Variants in RALGAPA2 observed in about 807,000 individuals in gnomAD.
The protein encoded by RALGAPA2 is ral GTPase-activating protein subunit alpha-2.
RALGAPA2 carries 139 observed loss-of-function variants against 230.4 expected under a neutral mutation model. The observed-to-expected ratio is 0.60, with a 90% CI of 0.53 to 0.69. The LOEUF is 0.69. Among genes scored for constraint, RALGAPA2 ranks in the 30% least tolerant of loss-of-function variants. RALGAPA2 has a pLI of 0.00. For synonymous variants in RALGAPA2, 847 were observed against 837.8 expected, an observed-to-expected ratio of 1.01 and a Z score of -0.19; for missense variants, 2,163 against 2,276.0, an observed-to-expected ratio of 0.95 and a Z score of 1.01.
intron 36 of RALGAPA2, among the ~76,000 whole-genome samples, chr20:20,490,223 C>T (rs1352826731): frequency 6.6e-6 from 1 of 152,162 alleles, no homozygotes; most frequent in Non-Finnish European, 1.5e-5. Context: ...AATACAAATC[C>T]CCTGTATCTA....
At position 20,616,100 on chromosome 20, in the gene RALGAPA2, G is replaced by C; in HGVS notation, c.1631C>G (p.Ala544Gly). 5 of 1,556,006 alleles carry C rather than the reference G, an allele frequency of 3.2e-6. No homozygotes were observed. The highest frequency in any genetic ancestry group is 4.3e-6 in the Non-Finnish European group (5 of 1,149,436). The change falls in exon 13 of 40, where the codon GCT becomes GGT. Residue 544 changes from alanine (A) to glycine (G), a missense_variant. Transcript: ENST00000202677. Reference protein sequence around the residue: ...LLKEQVDACKAVLIIFRRMIM... With the variant: ...LLKEQVDACKGVLIIFRRMIM... ...CATGCGCCTAAAAATAATCAAAACA[G>C]CTTTACAAGCATCAACTTGTTCTTT...
intron 38 of RALGAPA2, among the ~76,000 whole-genome samples, chr20:20,402,156 C>G (rs2059855904): frequency 6.6e-6 from 1 of 152,190 alleles, no homozygotes; most frequent in South Asian, 2.1e-4. Context: ...CATGACCAGC[C>G]ACCTGGTGAT....
At chr20:20,515,795 GAT>G (rs1237610791) in intron 31 of RALGAPA2, among the ~76,000 whole-genome samples, 1 of 146,766 alleles carries the variant, frequency 6.8e-6, no homozygotes, top group African/African-American at 2.5e-5. Flanking sequence ...TGAATTTCGT[GAT>G]ATAATCTCGA....
intron 16 of RALGAPA2, among the ~76,000 whole-genome samples, chr20:20,592,048 T>C (rs1438315142): frequency 6.6e-6 from 1 of 152,186 alleles, no homozygotes; most frequent in Non-Finnish European, 1.5e-5. Flanking sequence ...CCCAAGGCAC[T>C]GGAATTATCA....
At chr20:20,500,186 T>C (rs371462988) in intron 35 of RALGAPA2, among the ~76,000 whole-genome samples, 1 of 152,170 alleles carries the variant, frequency 6.6e-6, no homozygotes, top group Admixed American at 6.5e-5. Context: ...TGCTGAAGGC[T>C]GGGGTGGCTG....
intron 31 of RALGAPA2, among the ~76,000 whole-genome samples, chr20:20,517,953 G>A (rs1407079749): frequency 6.6e-6 from 1 of 152,114 alleles, no homozygotes; most frequent in Non-Finnish European, 1.5e-5. Context: ...TCCTAGCAAT[G>A]GATCCAAACC....
chr20:20,548,125 CCACACA>C (rs58279852), intron 23 of RALGAPA2, among the ~76,000 whole-genome samples: 3 of 148,004 alleles, frequency 2.0e-5, no homozygotes, highest in African/African-American at 4.9e-5. Flanking sequence ...AGCAAAATCT[CCACACA>C]CACACACACA....
At chr20:20,572,614 AAG>A (rs1386929634) in intron 21 of RALGAPA2, among the ~76,000 whole-genome samples, 1 of 152,172 alleles carries the variant, frequency 6.6e-6, no homozygotes, top group East Asian at 1.9e-4. Context: ...CACTTTTATA[AAG>A]AGAGTAACTA....
At chr20:20,709,870 AAAAAT>A (rs1438064959) in intron 1 of RALGAPA2, among the ~76,000 whole-genome samples, 1 of 152,214 alleles carries the variant, frequency 6.6e-6, no homozygotes, top group Non-Finnish European at 1.5e-5. Flanking sequence ...CACTATTATC[AAAAAT>A]AAGAAAGACG....
intron 27 of RALGAPA2, among the ~76,000 whole-genome samples, chr20:20,527,079 C>G (rs2063224480): frequency 6.6e-6 from 1 of 152,148 alleles, no homozygotes; most frequent in African/African-American, 2.4e-5. Flanking sequence ...GGGACAAGGG[C>G]ACCCTCTGCT....
Position 20,441,456 on chromosome 20 carries a change from G to A in RALGAPA2, c.5496-29308C>T, listed in dbSNP as rs1400867554. On this transcript the variant is annotated intron_variant, in intron 37 of 39. Transcript: ENST00000202677. ...TAGAATGTCACCTTGCCCTCCCTGG[G>A]CCTCTGCAGCAGTGACCACAATGAC... Among the ~76,000 whole-genome samples, 5 of 152,182 alleles carry A rather than the reference G, an allele frequency of 3.3e-5. No homozygotes were observed. In the South Asian group the frequency reaches 6.2e-4, roughly 19 times the overall value.
At chr20:20,705,355 G>A (rs1448176580) in intron 1 of RALGAPA2, among the ~76,000 whole-genome samples, 2 of 151,168 alleles carry the variant, frequency 1.3e-5, no homozygotes, top group Non-Finnish European at 2.9e-5. Context: ...CACAGCACAT[G>A]CAACCATACC....
intron 35 of RALGAPA2, among the ~76,000 whole-genome samples, chr20:20,495,571 C>T (rs576176725): frequency 1.8e-4 from 28 of 152,346 alleles, no homozygotes; most frequent in African/African-American, 6.0e-4. Context: ...TTTACTCCTG[C>T]GTCAGAGTCC....
At chr20:20,470,094 T>C (rs762381263) in intron 37 of RALGAPA2, among the ~76,000 whole-genome samples, 19 of 152,176 alleles carry the variant, frequency 1.2e-4, no homozygotes, top group Non-Finnish European at 2.6e-4. Flanking sequence ...CAGTCTTCTA[T>C]GTGCCTTTGC....
intron 37 of RALGAPA2, among the ~76,000 whole-genome samples, chr20:20,419,590 A>G (rs529523745): frequency 2.6e-5 from 4 of 152,368 alleles, no homozygotes; most frequent in Admixed American, 2.6e-4. Flanking sequence ...CATGGATACG[A>G]ATGCCACCTG....
chr20:20,486,652 C>T (rs542501364), intron 36 of RALGAPA2, among the ~76,000 whole-genome samples: 14 of 152,278 alleles, frequency 9.2e-5, no homozygotes, highest in Admixed American at 8.5e-4. Flanking sequence ...AATTCTCAGC[C>T]ATGACAATTT....
intron 37 of RALGAPA2, among the ~76,000 whole-genome samples, chr20:20,427,913 C>T (rs1332549702): frequency 1.3e-5 from 2 of 151,980 alleles, no homozygotes; most frequent in African/African-American, 4.8e-5. Context: ...TACTCCATTT[C>T]AGCAGGTACC....
intron 37 of RALGAPA2, among the ~76,000 whole-genome samples, chr20:20,434,296 A>G (rs1205702505): frequency 6.6e-6 from 1 of 152,130 alleles, no homozygotes; most frequent in Non-Finnish European, 1.5e-5. Flanking sequence ...GGGTCCCGGG[A>G]AAAGTGCAGA....
chr20:20,656,075 G>C (rs929176943), intron 3 of RALGAPA2, among the ~76,000 whole-genome samples: 4 of 152,186 alleles, frequency 2.6e-5, no homozygotes, highest in African/African-American at 9.6e-5. Flanking sequence ...GATTTGGACG[G>C]TAACAGATAT....
Sources: allele counts gnomAD v4.1 joint callset (sites outside exome capture counted in the v4.1 genomes callset), GRCh38; gene constraint gnomAD v4.1.1; transcripts MANE v1.5; gene names NCBI Gene and HGNC (gene_info 2026-07-23, HGNC 2026-07-21).